Variants in KATNBL1 observed in about 807,000 individuals in gnomAD.
KATNBL1 encodes katanin regulatory subunit B1 like 1, also known as KATNB1-like protein 1.
In KATNBL1, 28 loss-of-function variants were observed where a neutral mutation model predicts 44.7. The ratio of observed to expected loss-of-function variants is 0.63; its 90% CI spans 0.46 to 0.86. The LOEUF (loss-of-function observed/expected upper bound fraction) is 0.86. Ranked by LOEUF, KATNBL1 falls within the 40% of genes least tolerant of loss-of-function variation. The probability of loss-of-function intolerance (pLI) is 0.00; values close to 1 mark genes in which losing one functional copy is unlikely to be tolerated. For missense variants in KATNBL1, 272 were observed against 350.7 expected, an observed-to-expected ratio of 0.78 and a Z score of 1.79; for synonymous variants, 78 against 114.9, an observed-to-expected ratio of 0.68 and a Z score of 2.06.
rs1224396436 is a variant in KATNBL1, at chr15:34,141,672, T to C, written c.*667A>G. 1.3e-5 allele frequency: 2 copies of C among 152,610 alleles called. No homozygotes were observed. Among genetic ancestry groups the C allele is most frequent in the Non-Finnish European group, 2.9e-5 (2 of 67,982 alleles). 9.5% of individuals were successfully genotyped at this position (152,610 alleles called of 1,614,324 possible). A position where few individuals can be genotyped will look rare whatever the true frequency, so the allele number is the denominator to read the frequency against. On this transcript the variant is annotated 3_prime_UTR_variant, in exon 10 of 10. Transcript: ENST00000256544. ...TGCAGAGAGTGTTTCAAGAACACTC[T>C]ACAAGAATGTAAACCCCTGATTTAA...
intron 1 of KATNBL1, among the ~76,000 whole-genome samples, chr15:34,181,758 A>ATATACATATATATGTCCATATATATG (rs1889556631): frequency 1.4e-5 from 1 of 70,116 alleles, no homozygotes; most frequent in African/African-American, 7.5e-5. Context: ...CCATATATAT[A>ATATACATATATATGTCCATATATATG]TCCATATATA....
At position 34,172,256 on chromosome 15, in the gene KATNBL1, C is replaced by CTTTTTTTTTTT. The variant is rs59733560; in HGVS notation, c.-14-8577_-14-8567dup. Among the ~76,000 whole-genome samples the CTTTTTTTTTTT allele has an allele frequency of 7.3e-4, 71 of 96,614 alleles. 6 individuals are homozygous for CTTTTTTTTTTT. Among genetic ancestry groups the CTTTTTTTTTTT allele is most frequent in the Middle Eastern group, 7.5e-3 (1 of 134 alleles). The allele number at this position is 96,614 out of a possible 152,430, so 63.4% of individuals were successfully genotyped here. A position where few individuals can be genotyped will look rare whatever the true frequency, so the allele number is the denominator to read the frequency against. Reference sequence around the variant, plus strand: ...ACAGAGTCCTTGGGAGGAACATATTCTTTTTTTTTTTTTTTTTTGAGATGG... The same window carrying CTTTTTTTTTTT: ...ACAGAGTCCTTGGGAGGAACATATTCTTTTTTTTTTTTTTTTTTTTTTTTTTTTTGAGATGG... On this transcript the variant is annotated intron_variant, in intron 1 of 9. Coordinates refer to ENST00000256544, the MANE Select transcript of KATNBL1 (RefSeq NM_024713.3).
intron 2 of KATNBL1, chr15:34,154,888 G>T (rs985510135): frequency 1.4e-5 from 8 of 557,960 alleles, no homozygotes; most frequent in Non-Finnish European, 2.2e-5. Context: ...CCCTACTACT[G>T]TGTCATTCCC....
chr15:34,170,726 G>T (rs1889132584), intron 1 of KATNBL1, among the ~76,000 whole-genome samples: 1 of 152,166 alleles, frequency 6.6e-6, no homozygotes, highest in African/African-American at 2.4e-5. Context: ...CATGGTACTG[G>T]TACCAAAACA....
chr15:34,202,524 A>G (rs1424704972), intron 1 of KATNBL1, among the ~76,000 whole-genome samples: 1 of 152,178 alleles, frequency 6.6e-6, no homozygotes, highest in African/African-American at 2.4e-5. Context: ...GTGGTTGGGC[A>G]CCACCATATC....
chr15:34,163,661 G>T lies in KATNBL1; in HGVS notation c.16C>A (p.His6Asn). MASET[H>N]NVKKRNFCNK... ...CAAAAGTTCCGTTTTTTAACATTGTGGGTTTCTGATGCCATAATCTCTTAA... is the reference window on the plus strand; with the variant it reads ...CAAAAGTTCCGTTTTTTAACATTGTTGGTTTCTGATGCCATAATCTCTTAA... Residue 6 changes from histidine to asparagine, a missense_variant, in exon 2 of 10, where the codon CAC becomes AAC. His to Asn is a moderately conservative substitution (Grantham distance 68). Coordinates refer to ENST00000256544, the MANE Select transcript of KATNBL1 (RefSeq NM_024713.3). The T allele has an allele frequency of 6.3e-7, 1 of 1,581,618 alleles. No homozygotes were observed. The highest frequency in any genetic ancestry group is 1.2e-5 in the South Asian group (1 of 85,040).
At chr15:34,169,745 C>G (rs1007848012) in intron 1 of KATNBL1, among the ~76,000 whole-genome samples, 10 of 152,220 alleles carry the variant, frequency 6.6e-5, no homozygotes, top group Non-Finnish European at 1.2e-4. Flanking sequence ...CCACCACGAT[C>G]AAGTCGGCTT....
At chr15:34,166,833 A>G (rs1888992471) in intron 1 of KATNBL1, among the ~76,000 whole-genome samples, 1 of 152,212 alleles carries the variant, frequency 6.6e-6, no homozygotes, top group Non-Finnish European at 1.5e-5. Flanking sequence ...GTAAACTCCA[A>G]CAGACCTGCA....
intron 1 of KATNBL1, among the ~76,000 whole-genome samples, chr15:34,202,700 T>C (rs1344115784): frequency 6.6e-6 from 1 of 152,132 alleles, no homozygotes; most frequent in African/African-American, 2.4e-5. Flanking sequence ...CATTTAAGAA[T>C]AAAATCTCGG....
In KATNBL1 at chr15:34,141,688, C is replaced by G. The variant is rs1296130393; in HGVS notation, c.*651G>C. The G allele has an allele frequency of 6.6e-6, 1 of 152,464 alleles. No individual in the cohort carries two copies. Among genetic ancestry groups the G allele is most frequent in the Non-Finnish European group, 1.5e-5 (1 of 67,976 alleles). The allele number at this position is 152,464 out of a possible 1,614,324, so 9.4% of individuals were successfully genotyped here. A position where few individuals can be genotyped will look rare whatever the true frequency, so the allele number is the denominator to read the frequency against. ...AGAACACTCTACAAGAATGTAAACC[C>G]CTGATTTAATTCCATGATTTTATCA... On this transcript the variant is annotated 3_prime_UTR_variant, in exon 10 of 10. Coordinates refer to ENST00000256544, the MANE Select transcript of KATNBL1 (RefSeq NM_024713.3).
At chr15:34,153,266 A>G (rs894465503) in intron 3 of KATNBL1, among the ~76,000 whole-genome samples, 197 bp from the exon 4 acceptor site, 4 of 152,254 alleles carry the variant, frequency 2.6e-5, no homozygotes, top group Non-Finnish European at 5.9e-5. Context: ...AAGACAATGT[A>G]AAGGATGACA....
chr15:34,160,992 T>C (rs1888785199), intron 2 of KATNBL1, among the ~76,000 whole-genome samples: 1 of 152,206 alleles, frequency 6.6e-6, no homozygotes, highest in Non-Finnish European at 1.5e-5. Context: ...GCTTCCCTAA[T>C]GGGAATGTCA....
At position 34,183,199 on chromosome 15, in the gene KATNBL1, T is replaced by G. The variant is rs10152814; in HGVS notation, c.-14-19509A>C. Among the ~76,000 whole-genome samples, 817 of 152,346 alleles carry G rather than the reference T, an allele frequency of 5.4e-3. 9 individuals carry two copies. The highest frequency in any genetic ancestry group is 0.019 in the African/African-American group (771 of 41,586). On this transcript the variant is annotated intron_variant, in intron 1 of 9. Transcript: ENST00000256544. ...CAAGGCCAGCTCTACCGGTTTTGTT[T>G]GCTCCTCTCAGCTGTGTGGGCTGGG... is the stretch of plus-strand genomic sequence containing the variant.
Position 34,172,875 on chromosome 15 carries a change from T to C in KATNBL1, c.-14-9185A>G, listed in dbSNP as rs181483248. On this transcript the variant is annotated intron_variant, in intron 1 of 9. Transcript: ENST00000256544. ...GTCAACTAAGGTGGTAGTTACCTAA[T>C]TATCAAAACTAATAGAGCTATACAC... 4.5e-3 allele frequency among the ~76,000 whole-genome samples: 687 copies of C among 152,250 alleles called. 2 individuals carry two copies. The highest frequency in any genetic ancestry group is 5.4e-3 in the Non-Finnish European group (364 of 68,024).
chr15:34,162,000 T>C (rs1246256606), intron 2 of KATNBL1, among the ~76,000 whole-genome samples: 2 of 152,182 alleles, frequency 1.3e-5, no homozygotes. Context: ...TTAAGTTCAT[T>C]AATAGTTATG....
intron 1 of KATNBL1, among the ~76,000 whole-genome samples, chr15:34,167,582 G>A (rs1889019101): frequency 6.6e-6 from 1 of 152,024 alleles, no homozygotes; most frequent in African/African-American, 2.4e-5. Flanking sequence ...TTCAAATTCA[G>A]GAAATACAGA....
At chr15:34,188,137 T>TTAAAAAAAAAA (rs1889768867) in intron 1 of KATNBL1, among the ~76,000 whole-genome samples, 1 of 22,084 alleles carries the variant, frequency 4.5e-5, no homozygotes, top group Non-Finnish European at 8.3e-5. Flanking sequence ...AGACGCCATG[T>TTAAAAAAAAAA]AAAAAAAAAA....
chr15:34,174,765 C>T (rs143368147), intron 1 of KATNBL1, among the ~76,000 whole-genome samples: 4 of 152,140 alleles, frequency 2.6e-5, no homozygotes, highest in Non-Finnish European at 5.9e-5. Context: ...AGCGATTCTC[C>T]TGCCTGGATG....
At chr15:34,164,651 G>A (rs1440055744) in intron 1 of KATNBL1, among the ~76,000 whole-genome samples, 3 of 152,154 alleles carry the variant, frequency 2.0e-5, no homozygotes, top group Non-Finnish European at 4.4e-5. Context: ...TTTCTCACTT[G>A]CACTCTGGTT....
Sources: allele counts gnomAD v4.1 joint callset (sites outside exome capture counted in the v4.1 genomes callset), GRCh38; gene constraint gnomAD v4.1.1; transcripts MANE v1.5; gene names NCBI Gene and HGNC (gene_info 2026-07-23, HGNC 2026-07-21).